The following TBC1D4 variants were observed in gnomAD, a reference collection of about 807,000 sequenced individuals.
TBC1D4 encodes TBC (Tre-2, BUB2, CDC16) domain-containing protein.
In TBC1D4, 121 loss-of-function variants were observed where a neutral mutation model predicts 142.5. That is an observed-to-expected ratio of 0.85 (90% confidence interval 0.73 to 0.99). TBC1D4 has a LOEUF of 0.99. Among genes scored for constraint, TBC1D4 ranks in the 50% least tolerant of loss-of-function variants. The pLI is 0.00. For synonymous variants in TBC1D4, 630 were observed against 628.2 expected, an observed-to-expected ratio of 1.00 and a Z score of -0.04; for missense variants, 1,475 against 1,606.6, an observed-to-expected ratio of 0.92 and a Z score of 1.40.
At chr13:75,453,318 G>A (rs952956166) in intron 1 of TBC1D4, among the ~76,000 whole-genome samples, 2 of 151,792 alleles carry the variant, frequency 1.3e-5, no homozygotes, top group African/African-American at 2.4e-5. Context: ...AAAGGATATC[G>A]AACAAGCAAT....
At chr13:75,385,440 G>A (rs1884109679) in intron 1 of TBC1D4, among the ~76,000 whole-genome samples, 2 of 152,202 alleles carry the variant, frequency 1.3e-5, no homozygotes, top group South Asian at 4.1e-4. Context: ...GTTCTTGCCT[G>A]AACCTAGAGT....
At chr13:75,320,143 G>A (rs1022175030) in intron 11 of TBC1D4, 106 bp from the exon 12 acceptor site, 2 of 1,242,358 alleles carry the variant, frequency 1.6e-6, no homozygotes, top group Non-Finnish European at 2.3e-6. Flanking sequence ...GTCATGGTAA[G>A]GTTACTTCAA....
At chr13:75,413,689 G>C (rs1026406457) in intron 1 of TBC1D4, among the ~76,000 whole-genome samples, 1 of 152,112 alleles carries the variant, frequency 6.6e-6, no homozygotes, top group Non-Finnish European at 1.5e-5. Flanking sequence ...AAAGGATAGA[G>C]TTCTTTCTGT....
At chr13:75,333,462 C>A (rs1455469921) in intron 8 of TBC1D4, among the ~76,000 whole-genome samples, 1 of 152,180 alleles carries the variant, frequency 6.6e-6, no homozygotes, top group African/African-American at 2.4e-5. Context: ...TTAAAACGAT[C>A]ACTTTGTTTC....
At chr13:75,459,918 G>C (rs937576667) in intron 1 of TBC1D4, among the ~76,000 whole-genome samples, 3 of 152,138 alleles carry the variant, frequency 2.0e-5, no homozygotes, top group Non-Finnish European at 4.4e-5. Flanking sequence ...TGAGGTGGGC[G>C]GATCACGAGG....
rs1206138924 is a variant in TBC1D4, at chr13:75,471,655, T to C, written c.498+9615A>G. Among the ~76,000 whole-genome samples the C allele has an allele frequency of 2.0e-5, 3 of 151,938 alleles. No homozygotes were observed. The East Asian group carries it at 5.8e-4, about 30-fold the overall frequency. On this transcript the variant is annotated intron_variant, in intron 1 of 20. Transcript: ENST00000377636. ...TGGGATGCCGAGGCAGGAGAATTGC[T>C]TGAACCTGGGAGGCGGAGGTTGCAG...
At chr13:75,372,516 T>C (rs1272044940) in intron 1 of TBC1D4, among the ~76,000 whole-genome samples, 1 of 152,212 alleles carries the variant, frequency 6.6e-6, no homozygotes, top group African/African-American at 2.4e-5. Flanking sequence ...GTGATCTGCC[T>C]GCCTCAGCCT....
chr13:75,455,190 C>T (rs180886772), intron 1 of TBC1D4, among the ~76,000 whole-genome samples: 11 of 152,258 alleles, frequency 7.2e-5, no homozygotes, highest in Admixed American at 2.0e-4. Context: ...TGAATTAACC[C>T]TCACACTCCA....
chr13:75,409,024 T>A (rs1376162137), intron 1 of TBC1D4, among the ~76,000 whole-genome samples: 1 of 121,034 alleles, frequency 8.3e-6, no homozygotes, highest in East Asian at 2.3e-4. Flanking sequence ...ATTGTGTGCA[T>A]ATATATATAC....
chr13:75,287,234 C>T (rs749143109), intron 20 of TBC1D4, among the ~76,000 whole-genome samples: 74 of 152,114 alleles, frequency 4.9e-4, no homozygotes, highest in Non-Finnish European at 8.2e-4. Flanking sequence ...ACTGAACACA[C>T]GAATAATTCA....
At chr13:75,359,890 A>T (rs781532794) in intron 2 of TBC1D4, 32 bp from the exon 3 acceptor site, 1 of 1,530,456 alleles carries the variant, frequency 6.5e-7, no homozygotes, top group Non-Finnish European at 9.1e-7. Flanking sequence ...ATTAATTTCA[A>T]TTCATAAGGA....
In TBC1D4 at chr13:75,481,439, G is replaced by A. The variant is rs777693671; in HGVS notation, c.329C>T (p.Thr110Met). The A allele has an allele frequency of 1.9e-6, 3 of 1,613,836 alleles. No individual in the cohort carries two copies. Among genetic ancestry groups the A allele is most frequent in the Middle Eastern group, 3.3e-4 (2 of 6,062 alleles). ...GASGGTSPSA[T>M]QPNPAVFIFE... is the part of the protein sequence containing the mutation. ...GATGAATACCGCCGGGTTGGGCTGC[G>A]TGGCCGACGGACTAGTGCCCCCCGA... Residue 110 changes from threonine (T) to methionine (M), a missense_variant, in exon 1 of 21, where the codon ACG becomes ATG. Transcript: ENST00000377636.
intron 1 of TBC1D4, among the ~76,000 whole-genome samples, chr13:75,398,489 TTGTAA>T (rs1359441945): frequency 6.6e-6 from 1 of 152,140 alleles, no homozygotes; most frequent in Non-Finnish European, 1.5e-5. Flanking sequence ...AGGAAAACTG[TTGTAA>T]TGTACACAAC....
Position 75,324,234 on chromosome 13 carries a change from C to T in TBC1D4, c.2198+3G>A, listed in dbSNP as rs1449528727. 1.9e-6 allele frequency: 3 copies of T among 1,613,640 alleles called. No individual in the cohort carries two copies. The highest frequency in any genetic ancestry group is 1.7e-5 in the Admixed American group (1 of 59,992). On this transcript the variant is annotated splice_donor_region_variant and intron_variant, in intron 11 of 20. Coordinates refer to ENST00000377636, the MANE Select transcript of TBC1D4 (RefSeq NM_014832.5). Reference sequence around the variant, plus strand: ...CTTTGCAAACAGAGGACACTGATCTCACCTGATTTCATTTTCATACTGTGG... The same window carrying T: ...CTTTGCAAACAGAGGACACTGATCTTACCTGATTTCATTTTCATACTGTGG...
At chr13:75,343,969 T>C (rs1057054996) in intron 5 of TBC1D4, among the ~76,000 whole-genome samples, 4 of 152,132 alleles carry the variant, frequency 2.6e-5, no homozygotes, top group African/African-American at 9.7e-5. Context: ...ACCTCCCAAG[T>C]AGCTGGGATT....
chr13:75,353,209 T>C (rs180974751), intron 4 of TBC1D4, among the ~76,000 whole-genome samples: 44 of 152,312 alleles, frequency 2.9e-4, no homozygotes, highest in Non-Finnish European at 6.0e-4. Flanking sequence ...TCTACTGTGA[T>C]TCCCTGTTTC....
Position 75,288,987 on chromosome 13 carries a change from T to A in TBC1D4, c.3610A>T (p.Arg1204Trp). 6.2e-7 allele frequency: 1 copy of A among 1,613,942 alleles called. No homozygotes were observed. Among genetic ancestry groups the A allele is most frequent in the Non-Finnish European group, 8.5e-7 (1 of 1,179,914 alleles). Residue 1204 changes from arginine (R) to tryptophan (W), a missense_variant, in exon 20 of 21, where the codon AGG becomes TGG. Physicochemically the swap from Arg to Trp is moderately radical, Grantham distance 101. Coordinates refer to ENST00000377636, the MANE Select transcript of TBC1D4 (RefSeq NM_014832.5). ...EDSETLEKLE[R>W]ANSQLKRQNM... ...TGTCTTTTCAGTTGGCTATTGGCCC[T>A]CTCCAGCTTCTCCAAAGTTTCACTA...
intron 11 of TBC1D4, 24 bp from the exon 12 acceptor site, chr13:75,320,061 A>T (rs1321679434): frequency 6.2e-7 from 1 of 1,613,030 alleles, no homozygotes; most frequent in Admixed American, 1.7e-5. Flanking sequence ...AAAACAAGGA[A>T]TGGAATTAGC....
intron 5 of TBC1D4, 111 bp from the exon 6 acceptor site, chr13:75,341,698 T>C (rs2138078049): frequency 1.4e-5 from 12 of 838,012 alleles, no homozygotes; most frequent in Non-Finnish European, 2.2e-5. Context: ...ACTTAAATCT[T>C]CTCAAGGAGA....
Sources: gnomAD v4.1 joint callset for allele counts (sites outside exome capture counted in the v4.1 genomes callset) on GRCh38, gnomAD v4.1.1 for gene constraint, MANE v1.5 for transcripts, NCBI Gene and HGNC (gene_info 2026-07-23, HGNC 2026-07-21) for gene names.